DCC: variants seen among roughly 807,000 people sequenced by gnomAD.
DCC encodes netrin receptor DCC.
Under a neutral mutation model 172.5 loss-of-function variants are expected in DCC, and 58 were observed. The observed-to-expected ratio is 0.34, with a 90% CI of 0.27 to 0.42. The LOEUF (loss-of-function observed/expected upper bound fraction) is 0.42. Ranked by LOEUF, DCC falls within the 10% of genes least tolerant of loss-of-function variation. DCC has a pLI of 1.00. For synonymous variants in DCC, 709 were observed against 644.5 expected, an observed-to-expected ratio of 1.10 and a Z score of -1.52; for missense variants, 1,740 against 1,791.0, an observed-to-expected ratio of 0.97 and a Z score of 0.51.
chr18:52,787,557 A>G (rs1402904731), intron 2 of DCC, among the ~76,000 whole-genome samples: 2 of 151,546 alleles, frequency 1.3e-5, no homozygotes, highest in South Asian at 4.3e-4. Flanking sequence ...AGTATTATTC[A>G]CTAAAATATA....
chr18:53,449,747 A>T (rs2045383147), intron 22 of DCC, among the ~76,000 whole-genome samples: 2 of 152,102 alleles, frequency 1.3e-5, no homozygotes, highest in Non-Finnish European at 2.9e-5. Flanking sequence ...TTTTATTGAG[A>T]TATATCTTAT....
At chr18:53,090,086 A>G (rs1383653752) in intron 7 of DCC, among the ~76,000 whole-genome samples, 2 of 152,182 alleles carry the variant, frequency 1.3e-5, no homozygotes, top group South Asian at 2.1e-4. Context: ...ATGTGTGTCT[A>G]CTAGTTGCTA....
intron 22 of DCC, among the ~76,000 whole-genome samples, chr18:53,438,573 G>T (rs1056288418): frequency 6.6e-6 from 1 of 152,228 alleles, no homozygotes; most frequent in Admixed American, 6.5e-5. Flanking sequence ...ACCTAATTGG[G>T]CCTCCTGTAT....
chr18:53,475,243 A>G (rs1295023168), intron 25 of DCC, among the ~76,000 whole-genome samples: 1 of 152,210 alleles, frequency 6.6e-6, no homozygotes, highest in Non-Finnish European at 1.5e-5. Context: ...AGAAAATCCC[A>G]TTTTCTGAGA....
intron 2 of DCC, 43 bp downstream of exon 2, chr18:52,752,417 T>C: frequency 7.0e-7 from 1 of 1,423,150 alleles, no homozygotes; most frequent in East Asian, 2.3e-5. Flanking sequence ...CCTTCCTCTC[T>C]TCTTCTTATT....
intron 1 of DCC, among the ~76,000 whole-genome samples, chr18:52,673,177 C>T (rs1244916170): frequency 2.0e-5 from 3 of 152,130 alleles, no homozygotes; most frequent in Non-Finnish European, 2.9e-5. Flanking sequence ...TAGAGACACT[C>T]GTTATATGAT....
chr18:53,116,784 C>A (rs1349711415), intron 7 of DCC, among the ~76,000 whole-genome samples: 2 of 151,792 alleles, frequency 1.3e-5, no homozygotes, highest in South Asian at 4.2e-4. Context: ...GAATATTTCT[C>A]ACCTTTTCTT....
intron 16 of DCC, among the ~76,000 whole-genome samples, chr18:53,386,558 G>C (rs571468099): frequency 2.0e-5 from 3 of 152,148 alleles, no homozygotes; most frequent in South Asian, 2.1e-4. Context: ...CTCCACACAG[G>C]GTCTTTCAAA....
intron 2 of DCC, among the ~76,000 whole-genome samples, chr18:52,831,087 G>T (rs1434720851): frequency 6.6e-6 from 1 of 152,120 alleles, no homozygotes; most frequent in South Asian, 2.1e-4. Context: ...AGGTCAGAAA[G>T]TTATCCACGG....
intron 7 of DCC, among the ~76,000 whole-genome samples, chr18:53,102,934 T>C (rs1408191500): frequency 6.6e-6 from 1 of 152,104 alleles, no homozygotes; most frequent in Non-Finnish European, 1.5e-5. Flanking sequence ...ATTATTTCAT[T>C]TTATCCTTGC....
intron 12 of DCC, among the ~76,000 whole-genome samples, chr18:53,300,785 T>A (rs549578439): frequency 5.9e-4 from 90 of 152,212 alleles, no homozygotes; most frequent in African/African-American, 1.7e-3. Context: ...AGATTATATT[T>A]TTTTTCTTCT....
intron 5 of DCC, among the ~76,000 whole-genome samples, chr18:52,942,579 G>A (rs8092162): frequency 0.014 from 2,089 of 152,256 alleles, 25 homozygotes; most frequent in Middle Eastern, 0.037. Context: ...TGGGGCAAAA[G>A]GCACTTCTTA....
chr18:52,609,562 A>G (rs1163253083), intron 1 of DCC, among the ~76,000 whole-genome samples: 1 of 152,074 alleles, frequency 6.6e-6, no homozygotes, highest in Non-Finnish European at 1.5e-5. Context: ...CTTGGCACCT[A>G]TAAGGACCAA....
At chr18:53,250,668 C>T (rs886204833) in intron 12 of DCC, among the ~76,000 whole-genome samples, 1 of 151,800 alleles carries the variant, frequency 6.6e-6, no homozygotes, top group African/African-American at 2.4e-5. Context: ...GATTGTCTTT[C>T]CTCTCTTATA....
intron 7 of DCC, among the ~76,000 whole-genome samples, chr18:53,098,850 G>A (rs1031950881): frequency 6.6e-5 from 10 of 152,092 alleles, no homozygotes; most frequent in Non-Finnish European, 1.3e-4. Context: ...CCTACAAAAC[G>A]TTTTTAAAAA....
chr18:52,851,753 G>A (rs1468093773), intron 2 of DCC, among the ~76,000 whole-genome samples: 1 of 152,066 alleles, frequency 6.6e-6, no homozygotes, highest in African/African-American at 2.4e-5. Flanking sequence ...TAATTATTGA[G>A]CACCTTTTCC....
intron 1 of DCC, among the ~76,000 whole-genome samples, chr18:52,458,838 G>T (rs1201586468): frequency 1.3e-5 from 2 of 152,220 alleles, no homozygotes; most frequent in African/African-American, 4.8e-5. Context: ...GATTAGCCTA[G>T]TCAGCTCTTA....
chr18:53,209,332 G>A (rs184348256), intron 11 of DCC, among the ~76,000 whole-genome samples: 2 of 152,216 alleles, frequency 1.3e-5, no homozygotes, highest in East Asian at 3.9e-4. Context: ...CGAAAACTCA[G>A]GCAGGTGCAG....
At chr18:52,939,468 T>G (rs2145519549) in intron 5 of DCC, among the ~76,000 whole-genome samples, 1 of 152,312 alleles carries the variant, frequency 6.6e-6, no homozygotes, top group South Asian at 2.1e-4. Context: ...TGGAGTGAAG[T>G]CCTTATTTTA....
Sources: gnomAD v4.1 joint callset for allele counts (sites outside exome capture counted in the v4.1 genomes callset) on GRCh38, gnomAD v4.1.1 for gene constraint, MANE v1.5 for transcripts, NCBI Gene and HGNC (gene_info 2026-07-23, HGNC 2026-07-21) for gene names.